Variants in AUH observed in about 807,000 individuals in gnomAD.
AUH encodes AU RNA binding methylglutaconyl-CoA hydratase, also known as methylglutaconyl-CoA hydratase, mitochondrial.
In AUH, 29 loss-of-function variants were observed where a neutral mutation model predicts 42.3. That is an observed-to-expected ratio of 0.69 (90% CI 0.51 to 0.93). AUH has a LOEUF of 0.93. Among genes scored for constraint, AUH ranks in the 40% least tolerant of loss-of-function variants. The pLI is 0.00. For missense variants in AUH, 452 were observed against 438.1 expected (o/e 1.03, Z -0.28); for synonymous variants, 174 against 166.4 (o/e 1.05, Z -0.35).
chr9:91,314,490 G>GAA (rs200673346), intron 4 of AUH, among the ~76,000 whole-genome samples: 70 of 85,552 alleles, frequency 8.2e-4, no homozygotes, highest in Non-Finnish European at 9.4e-4. Context: ...CTCAAAGAAG[G>GAA]AAAAAAAAAA....
At chr9:91,360,119 C>T (rs372948906) in intron 1 of AUH, among the ~76,000 whole-genome samples, 26 of 152,106 alleles carry the variant, frequency 1.7e-4, no homozygotes, top group Non-Finnish European at 3.4e-4. Flanking sequence ...TAAAGTCTGT[C>T]CAGACATTCT....
At chr9:91,320,719 T>C (rs1344239744) in intron 4 of AUH, among the ~76,000 whole-genome samples, 2 of 152,236 alleles carry the variant, frequency 1.3e-5, no homozygotes, top group African/African-American at 4.8e-5. Flanking sequence ...ACAGAAAATA[T>C]GGTCTCTATA....
chr9:91,241,568 T>C lies in AUH; in HGVS notation c.656-20576A>G, dbSNP rs147688746. ...ATATGTATTATGTATGTGTAATACA[T>C]ATATACTTGTGTCAAATGAACATGA... On this transcript the variant is annotated intron_variant, in intron 6 of 9. Transcript: ENST00000375731. Among the ~76,000 whole-genome samples, 15 of 152,278 alleles carry C rather than the reference T, an allele frequency of 9.9e-5. No homozygotes were observed. The East Asian group carries it at 2.7e-3, about 27-fold the overall frequency.
intron 6 of AUH, among the ~76,000 whole-genome samples, chr9:91,266,303 A>C (rs1389967411): frequency 6.6e-6 from 1 of 152,060 alleles, no homozygotes; most frequent in African/African-American, 2.4e-5. Flanking sequence ...CAGAGGTTGC[A>C]GTGAGCCAAG....
At chr9:91,242,892 A>G (rs1828596667) in intron 6 of AUH, among the ~76,000 whole-genome samples, 1 of 152,238 alleles carries the variant, frequency 6.6e-6, no homozygotes, top group South Asian at 2.1e-4. Flanking sequence ...TGGAGTGGAC[A>G]TGAAGACAAG....
intron 3 of AUH, among the ~76,000 whole-genome samples, chr9:91,343,465 AAAAT>A (rs1459463425): frequency 3.3e-5 from 5 of 152,234 alleles, no homozygotes; most frequent in Non-Finnish European, 7.3e-5. Flanking sequence ...ATCAATATCA[AAAAT>A]AAATAATCAG....
At chr9:91,244,222 T>C (rs1388114670) in intron 6 of AUH, among the ~76,000 whole-genome samples, 1 of 152,228 alleles carries the variant, frequency 6.6e-6, no homozygotes, top group Non-Finnish European at 1.5e-5. Context: ...CCAACAACTA[T>C]TGCTTCTTTA....
chr9:91,302,368 T>A (rs1027750338), intron 4 of AUH, among the ~76,000 whole-genome samples: 2 of 151,996 alleles, frequency 1.3e-5, no homozygotes, highest in Non-Finnish European at 2.9e-5. Flanking sequence ...GGCAGACAGA[T>A]CACCTGAGGC....
At chr9:91,268,155 C>T (rs186753592) in intron 6 of AUH, among the ~76,000 whole-genome samples, 1 of 152,158 alleles carries the variant, frequency 6.6e-6, no homozygotes, top group South Asian at 2.1e-4. Context: ...TAGCTTTTTA[C>T]CATTAAAACT....
chr9:91,330,877 G>A (rs1349398791), intron 3 of AUH, among the ~76,000 whole-genome samples: 1 of 152,144 alleles, frequency 6.6e-6, no homozygotes, highest in East Asian at 1.9e-4. Context: ...CATAATAATT[G>A]CCTATGTCTT....
intron 6 of AUH, among the ~76,000 whole-genome samples, chr9:91,230,824 C>A (rs1333771688): frequency 6.6e-6 from 1 of 152,192 alleles, no homozygotes; most frequent in Non-Finnish European, 1.5e-5. Flanking sequence ...TGTGAGGTAT[C>A]AGTGTGCCCC....
chr9:91,245,823 C>T (rs1828761715), intron 6 of AUH, among the ~76,000 whole-genome samples: 1 of 152,176 alleles, frequency 6.6e-6, no homozygotes, highest in Non-Finnish European at 1.5e-5. Flanking sequence ...CCTCTCCTCC[C>T]CTGTGTTCTA....
At chr9:91,341,633 A>T (rs1277759356) in intron 3 of AUH, among the ~76,000 whole-genome samples, 2 of 152,242 alleles carry the variant, frequency 1.3e-5, no homozygotes, top group African/African-American at 4.8e-5. Context: ...CTTCCTCAAC[A>T]ACCAAAATGG....
intron 6 of AUH, among the ~76,000 whole-genome samples, chr9:91,266,830 A>C (rs528782472): frequency 6.6e-6 from 1 of 152,232 alleles, no homozygotes; most frequent in Non-Finnish European, 1.5e-5. Context: ...GGTAACTTAG[A>C]GGTATGTATA....
intron 6 of AUH, among the ~76,000 whole-genome samples, chr9:91,275,590 C>A (rs929264732): frequency 6.6e-6 from 1 of 152,184 alleles, no homozygotes; most frequent in Non-Finnish European, 1.5e-5. Flanking sequence ...CAGAGTGAAT[C>A]TTAACACGGC....
intron 6 of AUH, among the ~76,000 whole-genome samples, chr9:91,258,886 A>G (rs1829552648): frequency 6.6e-6 from 1 of 152,192 alleles, no homozygotes; most frequent in Non-Finnish European, 1.5e-5. Flanking sequence ...CTGCTTGGTT[A>G]TGATGTATTA....
At chr9:91,231,223 C>T (rs1025586356) in intron 6 of AUH, among the ~76,000 whole-genome samples, 13 of 152,174 alleles carry the variant, frequency 8.5e-5, no homozygotes, top group Non-Finnish European at 1.8e-4. Context: ...TAGGACCCTC[C>T]GAGCCAGGTG....
intron 4 of AUH, among the ~76,000 whole-genome samples, chr9:91,317,992 G>A (rs1829284161): frequency 6.6e-6 from 1 of 152,152 alleles, no homozygotes; most frequent in African/African-American, 2.4e-5. Context: ...GTTACAATCT[G>A]CTGGATTTCA....
rs773717813 is a variant in AUH, at chr9:91,361,651, C to T, written c.239G>A (p.Arg80Gln). ...EMKTEDELRV[R>Q]HLEEENRGIV... ...ACCTCGGTTCTCCTCCTCCAGGTGC[C>T]GCACCCGCAGCTCGTCCTCCGTCTT... is the stretch of plus-strand genomic sequence containing the variant. Residue 80 changes from arginine to glutamine, a missense_variant, in exon 1 of 10, where the codon CGG becomes CAG. Transcript: ENST00000375731. The T allele has an allele frequency of 1.3e-6, 2 of 1,583,990 alleles. No individual in the cohort carries two copies. The highest frequency in any genetic ancestry group is 1.3e-5 in the African/African-American group (1 of 74,158).
Sources: allele counts gnomAD v4.1 joint callset (sites outside exome capture counted in the v4.1 genomes callset), GRCh38; gene constraint gnomAD v4.1.1; transcripts MANE v1.5; gene names NCBI Gene and HGNC (gene_info 2026-07-23, HGNC 2026-07-21).